Variants in NFATC3 observed in about 807,000 individuals in gnomAD.
NFATC3 encodes nuclear factor of activated T cells 3.
NFATC3 carries 46 observed loss-of-function variants against 98.6 expected under a neutral mutation model. The ratio of observed to expected loss-of-function variants is 0.47; its 90% CI spans 0.37 to 0.60. The LOEUF (loss-of-function observed/expected upper bound fraction) is 0.60, where lower values mean the gene tolerates loss of function less well. Among genes scored for constraint, NFATC3 ranks in the 20% least tolerant of loss-of-function variants. The probability of loss-of-function intolerance (pLI) is 0.00; values close to 1 mark genes in which losing one functional copy is unlikely to be tolerated. For synonymous variants in NFATC3, 512 were observed against 472.2 expected (o/e 1.08, Z -1.09); for missense variants, 1,256 against 1,295.5 (o/e 0.97, Z 0.47).
chr16:68,163,402 G>C (rs1162951230), intron 4 of NFATC3, among the ~76,000 whole-genome samples: 1 of 151,432 alleles, frequency 6.6e-6, no homozygotes, highest in East Asian at 2.0e-4. Context: ...CGGGGCGGCT[G>C]GCCGGGCAGA....
rs2040411576 is a variant in NFATC3 at position 68,191,403 on chromosome 16, C to G, written c.2734C>G (p.Pro912Ala). 1 of 1,614,160 alleles carries G rather than the reference C, an allele frequency of 6.2e-7. No homozygotes were observed. The highest frequency in any genetic ancestry group is 8.5e-7 in the Non-Finnish European group (1 of 1,180,034). Residue 912 changes from proline (P) to alanine (A), a missense_variant, in exon 9 of 10, where the codon CCT (proline) becomes GCT (alanine). Physicochemically the swap from Pro to Ala is conservative, Grantham distance 27. Coordinates refer to ENST00000346183, the MANE Select transcript of NFATC3 (RefSeq NM_173165.3). ...AGGTCAGCCTTCGTCTCAGTTACAA[C>G]CTATTACATATGGTCCTTCACATTC... is the stretch of plus-strand genomic sequence containing the variant. ...ITGQPSSQLQ[P>A]ITYGPSHSGS...
intron 5 of NFATC3, among the ~76,000 whole-genome samples, chr16:68,172,696 C>G (rs1356416858): frequency 6.6e-6 from 1 of 152,096 alleles, no homozygotes; most frequent in Non-Finnish European, 1.5e-5. Context: ...ATCTGAAGAT[C>G]ACTTGAGCAC....
At chr16:68,165,254 T>C (rs1306522957) in intron 4 of NFATC3, among the ~76,000 whole-genome samples, 1 of 152,092 alleles carries the variant, frequency 6.6e-6, no homozygotes, top group East Asian at 1.9e-4. Flanking sequence ...TGGCAAATGC[T>C]TTTTTAGTTT....
intron 1 of NFATC3, among the ~76,000 whole-genome samples, chr16:68,105,152 A>AT (rs769016616): frequency 4.3e-5 from 6 of 138,808 alleles, no homozygotes; most frequent in Non-Finnish European, 7.6e-5. Flanking sequence ...GTACACTGGT[A>AT]TGATCTTGGC....
chr16:68,154,304 G>A (rs747621348), intron 3 of NFATC3, among the ~76,000 whole-genome samples: 3 of 152,116 alleles, frequency 2.0e-5, no homozygotes, highest in Non-Finnish European at 2.9e-5. Context: ...ATCATTCTGT[G>A]TATAGTTAGT....
chr16:68,215,722 CTTTTTTTTT>C (rs35024337), intron 9 of NFATC3, among the ~76,000 whole-genome samples: 2 of 96,040 alleles, frequency 2.1e-5, no homozygotes, highest in Non-Finnish European at 2.0e-5. Context: ...GAGATTTGCA[CTTTTTTTTT>C]TTTTTTTTTT....
chr16:68,186,096 G>A (rs1195685557), intron 8 of NFATC3, among the ~76,000 whole-genome samples: 2 of 151,996 alleles, frequency 1.3e-5, no homozygotes, highest in Non-Finnish European at 2.9e-5. Flanking sequence ...AGACACACAG[G>A]AATGCTTGTG....
intron 9 of NFATC3, among the ~76,000 whole-genome samples, chr16:68,193,762 A>G (rs2040543219): frequency 6.6e-6 from 1 of 152,138 alleles, no homozygotes; most frequent in Non-Finnish European, 1.5e-5. Context: ...AAAGCTGTGT[A>G]TAAGTGGACC....
At chr16:68,103,667 A>T (rs149698558) in intron 1 of NFATC3, among the ~76,000 whole-genome samples, 1 of 152,284 alleles carries the variant, frequency 6.6e-6, no homozygotes, top group African/African-American at 2.4e-5. Flanking sequence ...TAAGAGTTTT[A>T]TGCTTTTAGC....
chr16:68,122,816 C>G lies in NFATC3; in HGVS notation c.933C>G (p.Leu311=), dbSNP rs766399572. Residue 311 remains leucine (L), a synonymous_variant, in exon 2 of 10, where the codon CTC becomes CTG. Transcript: ENST00000346183. ...PRGSVTEDTW[L]NASVHGGSGL... Reference sequence around the variant, plus strand: ...GAAGTGTGACAGAAGATACGTGGCTCAATGCTTCTGTCCATGGTGGGTCAG... The same window carrying G: ...GAAGTGTGACAGAAGATACGTGGCTGAATGCTTCTGTCCATGGTGGGTCAG... 100 of 1,614,158 alleles carry G rather than the reference C, an allele frequency of 6.2e-5. No individual in the cohort carries two copies. The highest frequency in any genetic ancestry group is 7.5e-5 in the Non-Finnish European group (89 of 1,180,060).
intron 1 of NFATC3, among the ~76,000 whole-genome samples, chr16:68,093,215 T>G (rs1215667201): frequency 1.3e-5 from 2 of 152,230 alleles, no homozygotes; most frequent in Non-Finnish European, 2.9e-5. Flanking sequence ...AGACTTTTTC[T>G]TTTGTGAGAC....
chr16:68,181,475 A>G lies in NFATC3; in HGVS notation c.1916A>G (p.Asp639Gly). 1 of 1,610,716 alleles carries G rather than the reference A, an allele frequency of 6.2e-7. No homozygotes were observed. The highest frequency in any genetic ancestry group is 8.5e-7 in the Non-Finnish European group (1 of 1,177,302). Residue 639 changes from aspartate (D) to glycine (G), a missense_variant and splice_region_variant, in exon 7 of 10, where the codon GAT (aspartate) becomes GGT (glycine). This residue lies in a region of NFATC3 where 636 missense variants were observed against 617.3 expected (regional missense o/e 1.03). Coordinates refer to ENST00000346183, the MANE Select transcript of NFATC3 (RefSeq NM_173165.3). ...AACTATAAACTCTTTCTTTCAATAG[A>G]TGGACGACCTCAGTGGGAGGTAGAA... Reference protein sequence around the residue: ...SKIIFLEKGQDGRPQWEVEGK... With the variant: ...SKIIFLEKGQGGRPQWEVEGK...
intron 1 of NFATC3, among the ~76,000 whole-genome samples, chr16:68,093,111 T>C (rs1011767976): frequency 7.2e-5 from 11 of 152,244 alleles, no homozygotes; most frequent in Non-Finnish European, 1.5e-4. Context: ...ACTTCAGATA[T>C]CAAGCTCATC....
intron 9 of NFATC3, among the ~76,000 whole-genome samples, chr16:68,223,290 C>G (rs1303103652): frequency 6.6e-6 from 1 of 152,130 alleles, no homozygotes; most frequent in African/African-American, 2.4e-5. Context: ...AATCCCAGCA[C>G]TGTGGGAGGA....
chr16:68,098,598 C>G (rs1238525957), intron 1 of NFATC3, among the ~76,000 whole-genome samples: 1 of 152,072 alleles, frequency 6.6e-6, no homozygotes, highest in African/African-American at 2.4e-5. Context: ...CTGTGCCCAG[C>G]ACATTTAACT....
intron 6 of NFATC3, among the ~76,000 whole-genome samples, chr16:68,175,903 C>T (rs2039675379): frequency 6.6e-6 from 1 of 152,112 alleles, no homozygotes; most frequent in Non-Finnish European, 1.5e-5. Flanking sequence ...AACCTACTAC[C>T]AAGTTTAAGA....
intron 1 of NFATC3, among the ~76,000 whole-genome samples, chr16:68,105,743 G>A (rs1598368845): frequency 1.3e-5 from 2 of 152,114 alleles, no homozygotes; most frequent in East Asian, 3.9e-4. Flanking sequence ...TTTTGACTAT[G>A]ATTCAATCTC....
intron 1 of NFATC3, among the ~76,000 whole-genome samples, chr16:68,113,617 G>A (rs2036100941): frequency 6.6e-6 from 1 of 152,182 alleles, no homozygotes; most frequent in South Asian, 2.1e-4. Flanking sequence ...CCCCTTGGCT[G>A]AGCAGGTTCG....
At chr16:68,085,878 C>A in intron 1 of NFATC3, 94 bp downstream of exon 1, 1 of 982,100 alleles carries the variant, frequency 1.0e-6, no homozygotes, top group South Asian at 1.9e-5. Flanking sequence ...GACCGGAGAC[C>A]GATAACCCTG....
Sources: gnomAD v4.1 joint callset for allele counts (sites outside exome capture counted in the v4.1 genomes callset) on GRCh38, gnomAD v4.1.1 for gene constraint, gnomAD v4.1.1 regional missense constraint, MANE v1.5 for transcripts, NCBI Gene and HGNC (gene_info 2026-07-23, HGNC 2026-07-21) for gene names.